The following XKR4 variants were observed in gnomAD, a reference collection of about 807,000 sequenced individuals.
XKR4 encodes XK-related protein 4.
In XKR4, 12 loss-of-function variants were observed where a neutral mutation model predicts 53.9. The observed-to-expected ratio is 0.22, with a 90% CI of 0.14 to 0.36. The LOEUF (loss-of-function observed/expected upper bound fraction) is 0.36. Among genes scored for constraint, XKR4 ranks in the 10% least tolerant of loss-of-function variants. The pLI is 1.00. For missense variants in XKR4, 799 were observed against 859.5 expected, an observed-to-expected ratio of 0.93 and a Z score of 0.88; for synonymous variants, 354 against 362.4, an observed-to-expected ratio of 0.98 and a Z score of 0.26.
At chr8:55,140,252 C>T (rs753059502) in intron 1 of XKR4, 2 of 310,348 alleles carry the variant, frequency 6.4e-6, no homozygotes, top group South Asian at 5.4e-5. Context: ...TCATAGATTC[C>T]ATTTTAACTC....
chr8:55,140,734 TG>T (rs1816691283), intron 1 of XKR4, among the ~76,000 whole-genome samples: 1 of 152,192 alleles, frequency 6.6e-6, no homozygotes, highest in Admixed American at 6.5e-5. Flanking sequence ...GGGCTGGCTG[TG>T]GATTCGTGGG....
At chr8:55,431,989 A>G (rs113405523) in intron 2 of XKR4, among the ~76,000 whole-genome samples, 5,980 of 152,210 alleles carry the variant, frequency 0.039, 153 homozygotes, top group Middle Eastern at 0.061. Flanking sequence ...TTCTTTCTTC[A>G]TGGACTGGAA....
At chr8:55,465,882 A>T (rs1273000149) in intron 2 of XKR4, among the ~76,000 whole-genome samples, 3 of 152,102 alleles carry the variant, frequency 2.0e-5, no homozygotes, top group Non-Finnish European at 4.4e-5. Flanking sequence ...AGACACATGA[A>T]AAAATGCTCA....
At chr8:55,437,065 TA>T (rs1229593829) in intron 2 of XKR4, among the ~76,000 whole-genome samples, 2 of 152,248 alleles carry the variant, frequency 1.3e-5, no homozygotes, top group Admixed American at 1.3e-4. Flanking sequence ...GTGTTCTTCA[TA>T]GTAAACTAAT....
chr8:55,251,991 C>T lies in XKR4; in HGVS notation c.807-105687C>T, dbSNP rs1461432620. Among the ~76,000 whole-genome samples the T allele has an allele frequency of 2.0e-5, 3 of 152,308 alleles. No individual in the cohort carries two copies. The East Asian group carries it at 5.8e-4, about 29-fold the overall frequency. ...AGCATATTATACTGACTGGCCAATC[C>T]CATGAGTACCAGAGCATTTGTATTT... On this transcript the variant is annotated intron_variant, in intron 1 of 2. Transcript: ENST00000327381.
At chr8:55,334,233 T>C (rs889929911) in intron 1 of XKR4, among the ~76,000 whole-genome samples, 41 of 152,320 alleles carry the variant, frequency 2.7e-4, no homozygotes, top group African/African-American at 9.6e-4. Context: ...AGTGATTACA[T>C]AGAAGAACAG....
At chr8:55,435,569 T>G (rs1805162553) in intron 2 of XKR4, among the ~76,000 whole-genome samples, 2 of 143,878 alleles carry the variant, frequency 1.4e-5, no homozygotes, top group South Asian at 2.4e-4. Context: ...TTTTTATTTT[T>G]TTATTTTTTT....
intron 2 of XKR4, among the ~76,000 whole-genome samples, chr8:55,441,064 CAA>C (rs10598855): frequency 0.24 from 28,699 of 118,768 alleles, 2,974 homozygotes; most frequent in African/African-American, 0.35. Flanking sequence ...CTCATCTCTA[CAA>C]AAAAAAAAAA....
chr8:55,320,452 C>T (rs1481766042), intron 1 of XKR4, among the ~76,000 whole-genome samples: 1 of 152,182 alleles, frequency 6.6e-6, no homozygotes, highest in Non-Finnish European at 1.5e-5. Context: ...CTGAACCAAC[C>T]AAGCTCTGAG....
intron 1 of XKR4, among the ~76,000 whole-genome samples, chr8:55,224,785 C>T (rs1237555216): frequency 2.0e-5 from 3 of 152,092 alleles, no homozygotes; most frequent in Non-Finnish European, 2.9e-5. Context: ...TTTATTATCC[C>T]ATGGTAAACA....
intron 1 of XKR4, among the ~76,000 whole-genome samples, chr8:55,262,660 C>T (rs1818542195): frequency 6.6e-6 from 1 of 152,222 alleles, no homozygotes; most frequent in East Asian, 1.9e-4. Flanking sequence ...GGACCTTGGT[C>T]TTGAACTTCC....
At chr8:55,467,224 G>A (rs1159996365) in intron 2 of XKR4, among the ~76,000 whole-genome samples, 2 of 152,068 alleles carry the variant, frequency 1.3e-5, no homozygotes, top group Non-Finnish European at 2.9e-5. Flanking sequence ...GTGTCTCCAA[G>A]GCCAACAGGA....
intron 2 of XKR4, among the ~76,000 whole-genome samples, chr8:55,410,673 C>A (rs1200896589): frequency 6.6e-6 from 1 of 152,010 alleles, no homozygotes; most frequent in South Asian, 2.1e-4. Context: ...CCCCCGGGAC[C>A]CTGATGGGCC....
chr8:55,225,143 CG>C (rs1776435052), intron 1 of XKR4, among the ~76,000 whole-genome samples: 1 of 152,164 alleles, frequency 6.6e-6, no homozygotes, highest in Admixed American at 6.5e-5. Context: ...TGCAACATAA[CG>C]TCACACAGTA....
intron 2 of XKR4, chr8:55,449,415 C>G (rs571425357): frequency 3.0e-6 from 2 of 659,574 alleles, no homozygotes; most frequent in Non-Finnish European, 5.4e-6. Context: ...TGCCGAGGGC[C>G]GGGCCGGGGC....
chr8:55,456,504 G>A (rs1805572876), intron 2 of XKR4, among the ~76,000 whole-genome samples: 1 of 152,270 alleles, frequency 6.6e-6, no homozygotes. Context: ...GATGATATAT[G>A]TGGCAAACAA....
chr8:55,252,874 A>C (rs1818379517), intron 1 of XKR4, among the ~76,000 whole-genome samples: 1 of 152,160 alleles, frequency 6.6e-6, no homozygotes, highest in Non-Finnish European at 1.5e-5. Flanking sequence ...GGTTGATCAA[A>C]ATCAGAAAGA....
At chr8:55,450,036 A>G (rs1308613555) in intron 2 of XKR4, 4 of 784,714 alleles carry the variant, frequency 5.1e-6, no homozygotes, top group Non-Finnish European at 8.9e-6. Flanking sequence ...GGAGGGAGCT[A>G]GGGGTGCCAC....
chr8:55,335,568 T>G (rs1803448174), intron 1 of XKR4, among the ~76,000 whole-genome samples: 1 of 152,200 alleles, frequency 6.6e-6, no homozygotes. Context: ...GCAATCCCAC[T>G]TATAGTTATT....
Sources: allele counts gnomAD v4.1 joint callset (sites outside exome capture counted in the v4.1 genomes callset), GRCh38; gene constraint gnomAD v4.1.1; transcripts MANE v1.5; gene names NCBI Gene and HGNC (gene_info 2026-07-23, HGNC 2026-07-21).